Variants in ERICH3 observed in about 807,000 individuals in gnomAD.
ERICH3 encodes glutamate-rich protein 3.
A neutral mutation model predicts 131.1 loss-of-function variants in ERICH3; 126 were observed. The ratio of observed to expected loss-of-function variants is 0.96; its 90% confidence interval spans 0.83 to 1.11. The LOEUF (loss-of-function observed/expected upper bound fraction) is 1.11. ERICH3 is among the 50% of genes most tolerant of loss of function. The probability of loss-of-function intolerance (pLI) is 0.00; values close to 1 mark genes in which losing one functional copy is unlikely to be tolerated. For synonymous variants in ERICH3, 695 were observed against 644.6 expected, an observed-to-expected ratio of 1.08 and a Z score of -1.18; for missense variants, 2,050 against 1,810.7, an observed-to-expected ratio of 1.13 and a Z score of -2.40.
chr1:74,627,683 G>A (rs970435123), intron 7 of ERICH3, among the ~76,000 whole-genome samples: 3 of 151,758 alleles, frequency 2.0e-5, no homozygotes, highest in African/African-American at 4.8e-5. Context: ...GTATATATAC[G>A]GTTGACCCTT....
At position 74,570,405 on chromosome 1, in the gene ERICH3, C is replaced by G. The variant is rs936792663; in HGVS notation, c.*53G>C. 6.6e-6 allele frequency: 1 copy of G among 152,162 alleles called. No homozygotes were observed. The highest frequency in any genetic ancestry group is 1.5e-5 in the Non-Finnish European group (1 of 68,038). 9.4% of individuals were successfully genotyped at this position (152,162 alleles called of 1,614,324 possible). A position where few individuals can be genotyped will look rare whatever the true frequency, so the allele number is the denominator to read the frequency against. ...AGATGCTTGCGTGAATCTTTCTCCA[C>G]TCTTTACATCTTCAGAAGACATCTT... is the stretch of plus-strand genomic sequence containing the variant. On this transcript the variant is annotated 3_prime_UTR_variant, in exon 15 of 15. Transcript: ENST00000326665.
At chr1:74,609,978 G>A (rs763940357) in intron 9 of ERICH3, among the ~76,000 whole-genome samples, 9 of 151,996 alleles carry the variant, frequency 5.9e-5, no homozygotes, top group Non-Finnish European at 7.4e-5. Flanking sequence ...TCCACAGAAA[G>A]TGCTCAGGGC....
At chr1:74,578,871 C>T (rs1647124978) in intron 12 of ERICH3, among the ~76,000 whole-genome samples, 1 of 152,070 alleles carries the variant, frequency 6.6e-6, no homozygotes, top group African/African-American at 2.4e-5. Context: ...AGTGAAATAC[C>T]TGCCTTAAAT....
chr1:74,581,597 CTGT>C (rs1363367739), intron 12 of ERICH3, among the ~76,000 whole-genome samples: 3 of 152,068 alleles, frequency 2.0e-5, no homozygotes, highest in Non-Finnish European at 2.9e-5. Context: ...CTTTATTGCA[CTGT>C]TATCATTTAC....
chr1:74,605,258 C>A (rs190507870), intron 10 of ERICH3, among the ~76,000 whole-genome samples: 5 of 151,940 alleles, frequency 3.3e-5, no homozygotes, highest in Non-Finnish European at 7.4e-5. Context: ...CTTGCTCTGA[C>A]TTAAGCTTTG....
intron 1 of ERICH3, among the ~76,000 whole-genome samples, chr1:74,661,819 C>T (rs543419636): frequency 6.6e-6 from 1 of 152,316 alleles, no homozygotes; most frequent in East Asian, 1.9e-4. Flanking sequence ...CCTGAGTTTA[C>T]ATAAAGCATA....
chr1:74,649,526 C>T (rs1646514178), intron 1 of ERICH3, among the ~76,000 whole-genome samples: 1 of 151,932 alleles, frequency 6.6e-6, no homozygotes, highest in Non-Finnish European at 1.5e-5. Context: ...TTAATTATTC[C>T]ACAGACAAGT....
chr1:74,593,412 A>G (rs956187759), intron 11 of ERICH3, among the ~76,000 whole-genome samples: 4 of 152,136 alleles, frequency 2.6e-5, no homozygotes, highest in African/African-American at 9.7e-5. Flanking sequence ...GACTTTGGTT[A>G]TGCTATTTAA....
intron 1 of ERICH3, among the ~76,000 whole-genome samples, chr1:74,667,199 T>C (rs1372501198): frequency 6.6e-6 from 1 of 152,218 alleles, no homozygotes; most frequent in Non-Finnish European, 1.5e-5. Context: ...CTATCTTTTT[T>C]TATATGAATC....
chr1:74,572,644 G>A lies in ERICH3; in HGVS notation c.3066C>T (p.Ala1022=), dbSNP rs769814781. Reference sequence around the variant, plus strand: ...CTTCCACATCTTCCTTGCAAAGGAAGGCTTCCTTTGCAAGGCTTCCTTCCT... The same window carrying A: ...CTTCCACATCTTCCTTGCAAAGGAAAGCTTCCTTTGCAAGGCTTCCTTCCT... The part of the protein sequence containing the change: ...SPEEGSLAKE[A]FLCKEDVEGE... The change falls in exon 14 of 15, where the codon GCC becomes GCT. Residue 1022 remains alanine (A), a synonymous_variant. Coordinates refer to ENST00000326665, the MANE Select transcript of ERICH3 (RefSeq NM_001002912.5). 1.2e-6 allele frequency: 2 copies of A among 1,613,778 alleles called. No homozygotes were observed. Among genetic ancestry groups the A allele is most frequent in the Non-Finnish European group, 8.5e-7 (1 of 1,179,948 alleles).
rs1648774147 is a variant in ERICH3 at position 74,612,977 on chromosome 1, C to A, written c.1001-168G>T. ...GAAGAAGAAGAATTGTCTTGGGTCA[C>A]ATATAAAATACACTAACACAAACAA... is the stretch of plus-strand genomic sequence containing the variant. On this transcript the variant is annotated intron_variant, in intron 8 of 14. Transcript: ENST00000326665. Among the ~76,000 whole-genome samples the A allele has an allele frequency of 1.3e-5, 2 of 151,882 alleles. 1 individual carries two copies. The highest frequency in any genetic ancestry group is 4.1e-4 in the South Asian group (2 of 4,826).
chr1:74,618,387 T>G (rs752446794), intron 8 of ERICH3, among the ~76,000 whole-genome samples: 8 of 152,052 alleles, frequency 5.3e-5, no homozygotes, highest in Non-Finnish European at 8.8e-5. Flanking sequence ...AAAATAATAG[T>G]GCGTATGGGA....
chr1:74,607,357 T>C (rs1356222124), intron 9 of ERICH3, among the ~76,000 whole-genome samples: 1 of 151,938 alleles, frequency 6.6e-6, no homozygotes, highest in Non-Finnish European at 1.5e-5. Context: ...GAGAAGCTGA[T>C]ATAAAAATGG....
rs1173850403 is a variant in ERICH3, at chr1:74,673,719, G to C, written c.-200C>G. On this transcript the variant is annotated 5_prime_UTR_variant, in exon 1 of 15. Transcript: ENST00000326665. ...CCTCCCGGGCTCCCACCCTCCGTTGGTATCCACAGCTTCCCTGTTGCTAAG... is the reference window on the plus strand; with the variant it reads ...CCTCCCGGGCTCCCACCCTCCGTTGCTATCCACAGCTTCCCTGTTGCTAAG... 1 of 446,658 alleles carries C rather than the reference G, an allele frequency of 2.2e-6. No individual in the cohort carries two copies. The highest frequency in any genetic ancestry group is 3.8e-5 in the East Asian group (1 of 26,332). 27.7% of individuals were successfully genotyped at this position (446,658 alleles called of 1,614,324 possible).
chr1:74,602,684 G>C (rs17095663), intron 10 of ERICH3, among the ~76,000 whole-genome samples: 13,764 of 151,732 alleles, frequency 0.091, 717 homozygotes, highest in East Asian at 0.21. Flanking sequence ...AAGAATTCAG[G>C]AAAAGCTTTA....
chr1:74,602,255 C>T (rs1413907040), intron 10 of ERICH3, among the ~76,000 whole-genome samples: 1 of 151,932 alleles, frequency 6.6e-6, no homozygotes, highest in African/African-American at 2.4e-5. Flanking sequence ...TGGCTTTATT[C>T]TATCCCTGCT....
rs1198929174 is a variant in ERICH3 at position 74,571,621 on chromosome 1, C to CGAACCTG, written c.4082_4088dup (p.Glu1364ArgfsTer13). 24 of 1,614,028 alleles carry CGAACCTG rather than the reference C, an allele frequency of 1.5e-5. No individual in the cohort carries two copies. The highest frequency in any genetic ancestry group is 1.9e-5 in the Non-Finnish European group (23 of 1,180,024). ...CTATTGTTTTCTCCTCGGCTGTCTC[C>CGAACCTG]GAACCTGCCAACACCTCCCTCTCCT... On this transcript the variant is annotated frameshift_variant, in exon 14 of 15. Coordinates refer to ENST00000326665, the MANE Select transcript of ERICH3 (RefSeq NM_001002912.5). LOFTEE classifies it high-confidence loss of function.
intron 1 of ERICH3, among the ~76,000 whole-genome samples, chr1:74,652,907 T>A (rs1646550464): frequency 1.3e-5 from 2 of 152,142 alleles, no homozygotes; most frequent in Admixed American, 1.3e-4. Flanking sequence ...CCTGGCTCAA[T>A]GCACTGGGGA....
chr1:74,616,832 G>A (rs755166211), intron 8 of ERICH3, among the ~76,000 whole-genome samples: 5 of 152,150 alleles, frequency 3.3e-5, no homozygotes, highest in Non-Finnish European at 5.9e-5. Context: ...GGCAGATATT[G>A]AAGTGACGGA....
Sources: allele counts gnomAD v4.1 joint callset (sites outside exome capture counted in the v4.1 genomes callset), GRCh38; gene constraint gnomAD v4.1.1; transcripts MANE v1.5; gene names NCBI Gene and HGNC (gene_info 2026-07-23, HGNC 2026-07-21).